NRXN3: variants seen among roughly 807,000 people sequenced by gnomAD.
NRXN3 encodes the protein neurexin 3, also known as neurexin III.
Under a neutral mutation model 137.6 loss-of-function variants are expected in NRXN3, and 32 were observed. The ratio of observed to expected loss-of-function variants is 0.23; its 90% CI spans 0.18 to 0.31. The LOEUF (loss-of-function observed/expected upper bound fraction) is 0.31, where lower values mean the gene tolerates loss of function less well. NRXN3 is among the 10% of genes least tolerant of loss of function. The probability of loss-of-function intolerance (pLI) is 1.00; values close to 1 mark genes in which losing one functional copy is unlikely to be tolerated. For synonymous variants in NRXN3, 798 were observed against 784.5 expected (o/e 1.02, Z -0.29); for missense variants, 1,574 against 2,062.5 (o/e 0.76, Z 4.59).
At position 78,190,636 on chromosome 14, in the gene NRXN3, TTTATTTATTTATTTATTTACTTAC is replaced by T. The variant is rs1363548556; in HGVS notation, c.-704+19966_-704+19989del. ...ATTTATTTATTTATTTATTTATTTA[TTTATTTATTTATTTATTTACTTAC>T]TTACTTACTTAATTACTTACTTACT... On this transcript the variant is annotated intron_variant, in intron 1 of 20. Transcript: ENST00000335750. 6.3e-4 allele frequency among the ~76,000 whole-genome samples: 91 copies of T among 145,216 alleles called. 2 individuals carry two copies. The highest frequency in any genetic ancestry group is 2.0e-3 in the African/African-American group (76 of 38,894).
chr14:79,100,271 A>G (rs913684261), intron 15 of NRXN3, among the ~76,000 whole-genome samples: 1 of 152,188 alleles, frequency 6.6e-6, no homozygotes, highest in Non-Finnish European at 1.5e-5. Context: ...ACACCTACAC[A>G]TGTTCACATC....
At chr14:79,785,341 CTGTATATGCA>C (rs2099126305) in intron 19 of NRXN3, among the ~76,000 whole-genome samples, 2 of 152,182 alleles carry the variant, frequency 1.3e-5, no homozygotes, top group South Asian at 4.2e-4. Context: ...TTGCCTCTGG[CTGTATATGCA>C]TGTTCATTCT....
chr14:78,210,711 G>GT (rs1451819003), intron 1 of NRXN3, among the ~76,000 whole-genome samples: 1 of 151,914 alleles, frequency 6.6e-6, no homozygotes, highest in Non-Finnish European at 1.5e-5. Flanking sequence ...CCACGATGTA[G>GT]TTTTTGTCAT....
intron 15 of NRXN3, among the ~76,000 whole-genome samples, chr14:79,361,727 C>G (rs946227529): frequency 5.3e-5 from 8 of 151,896 alleles, no homozygotes; most frequent in Non-Finnish European, 7.4e-5. Context: ...AAGGAATGAC[C>G]CATACCTGAA....
intron 4 of NRXN3, among the ~76,000 whole-genome samples, chr14:78,350,297 A>G (rs1286292036): frequency 6.6e-6 from 1 of 152,130 alleles, no homozygotes; most frequent in Non-Finnish European, 1.5e-5. Flanking sequence ...CTCAAAAAAA[A>G]AAAAAAATTG....
At chr14:79,676,325 T>TAA (rs2098640513) in intron 17 of NRXN3, among the ~76,000 whole-genome samples, 1 of 136,800 alleles carries the variant, frequency 7.3e-6, no homozygotes, top group Non-Finnish European at 1.5e-5. Flanking sequence ...GTATTTAAAA[T>TAA]AAATTTTGAC....
At chr14:78,711,204 A>G (rs1169349252) in intron 7 of NRXN3, among the ~76,000 whole-genome samples, 1 of 131,734 alleles carries the variant, frequency 7.6e-6, no homozygotes, top group African/African-American at 3.7e-5. Context: ...ACCTTGGCAC[A>G]GCATAAAAGT....
intron 15 of NRXN3, among the ~76,000 whole-genome samples, chr14:79,343,481 C>T (rs2092713866): frequency 1.3e-5 from 2 of 152,112 alleles, no homozygotes; most frequent in Admixed American, 1.3e-4. Flanking sequence ...AAAAGAACAG[C>T]CTGGCTCGCT....
At chr14:78,892,895 T>G (rs553212283) in intron 10 of NRXN3, among the ~76,000 whole-genome samples, 1 of 151,894 alleles carries the variant, frequency 6.6e-6, no homozygotes, top group South Asian at 2.1e-4. Flanking sequence ...GAAAAAATGT[T>G]GCTGCTTGCT....
At chr14:79,189,201 G>A (rs1361818427) in intron 15 of NRXN3, among the ~76,000 whole-genome samples, 2 of 151,954 alleles carry the variant, frequency 1.3e-5, no homozygotes. Context: ...GGAATACTAT[G>A]CAGCCATAAA....
In NRXN3 at chr14:78,298,039, C is replaced by T. The variant is rs190030155; in HGVS notation, c.757+179C>T. Among the ~76,000 whole-genome samples, 797 of 152,346 alleles carry T rather than the reference C, an allele frequency of 5.2e-3. 4 individuals carry two copies. Among genetic ancestry groups the T allele is most frequent in the Non-Finnish European group, 8.8e-3 (602 of 68,038 alleles). ...GGTGGGGGCACCTTCCTTGATGCAT[C>T]GTGGTTTCCCACCCCTATTGTCCCC... On this transcript the variant is annotated intron_variant, in intron 4 of 20. Transcript: ENST00000335750.
chr14:79,606,269 C>CAAAT lies in NRXN3; in HGVS notation c.3445-57497_3445-57494dup, dbSNP rs1298200852. ...ATAAATAAATAAACAACAAACCAAC[C>CAAAT]AAATAAATAAATAAAGCAGATAAAC... On this transcript the variant is annotated intron_variant, in intron 16 of 20. Transcript: ENST00000335750. Among the ~76,000 whole-genome samples, 17 of 152,156 alleles carry CAAAT rather than the reference C, an allele frequency of 1.1e-4. No individual in the cohort carries two copies. The East Asian group carries it at 3.3e-3, about 29-fold the overall frequency.
chr14:78,644,897 G>C (rs1335233863), intron 4 of NRXN3, among the ~76,000 whole-genome samples: 1 of 152,174 alleles, frequency 6.6e-6, no homozygotes, highest in East Asian at 1.9e-4. Context: ...ATCTTGTTTT[G>C]TCTTCTACCC....
Position 78,380,153 on chromosome 14 carries a change from A to G in NRXN3, c.757+82293A>G, listed in dbSNP as rs571705408. Among the ~76,000 whole-genome samples, 28 of 152,250 alleles carry G rather than the reference A, an allele frequency of 1.8e-4. No individual in the cohort carries two copies. The East Asian group carries it at 5.0e-3, about 27-fold the overall frequency. On this transcript the variant is annotated intron_variant, in intron 4 of 20. Transcript: ENST00000335750. ...AACATATCATGACTTGGAAGACTCA[A>G]AATAGTAGAGATTTCAATTCTCCCT...
At chr14:78,660,835 C>T (rs1419642272) in intron 6 of NRXN3, among the ~76,000 whole-genome samples, 9 of 152,166 alleles carry the variant, frequency 5.9e-5, no homozygotes, top group Non-Finnish European at 1.3e-4. Flanking sequence ...TAGCAGAATT[C>T]CTCATGTTCC....
chr14:79,120,341 C>G (rs1205286766), intron 15 of NRXN3, among the ~76,000 whole-genome samples: 1 of 152,032 alleles, frequency 6.6e-6, no homozygotes, highest in Admixed American at 6.6e-5. Context: ...TAAGTAATAA[C>G]AAAGCTGAAA....
chr14:79,202,527 C>T (rs912526676), intron 15 of NRXN3, among the ~76,000 whole-genome samples: 3 of 152,086 alleles, frequency 2.0e-5, no homozygotes, highest in Non-Finnish European at 4.4e-5. Flanking sequence ...TTATCCCTCA[C>T]CCTCCTACGA....
chr14:78,581,295 A>G (rs1451642672), intron 4 of NRXN3, among the ~76,000 whole-genome samples: 1 of 152,188 alleles, frequency 6.6e-6, no homozygotes, highest in Non-Finnish European at 1.5e-5. Flanking sequence ...ATGGAAACTT[A>G]TTTCTCACAG....
intron 4 of NRXN3, among the ~76,000 whole-genome samples, chr14:78,548,745 C>T (rs1327819496): frequency 6.6e-6 from 1 of 152,136 alleles, no homozygotes; most frequent in Non-Finnish European, 1.5e-5. Context: ...TATTCTATTC[C>T]TTTTTCTTTC....
Sources: allele counts gnomAD v4.1 joint callset (sites outside exome capture counted in the v4.1 genomes callset), GRCh38; gene constraint gnomAD v4.1.1; transcripts MANE v1.5; gene names NCBI Gene and HGNC (gene_info 2026-07-23, HGNC 2026-07-21).